MARCHF1: variants seen among roughly 807,000 people sequenced by gnomAD.
MARCHF1 encodes E3 ubiquitin-protein ligase MARCHF1.
Under a neutral mutation model 54.2 loss-of-function variants are expected in MARCHF1, and 40 were observed. The ratio of observed to expected loss-of-function variants is 0.74; its 90% CI spans 0.57 to 0.96. MARCHF1 has a LOEUF of 0.96. Ranked by LOEUF, MARCHF1 falls within the 40% of genes least tolerant of loss-of-function variation. The pLI, the probability that MARCHF1 is intolerant of heterozygous loss-of-function variation, is 0.00. For missense variants in MARCHF1, 586 were observed against 656.5 expected, an observed-to-expected ratio of 0.89 and a Z score of 1.17; for synonymous variants, 236 against 236.3, an observed-to-expected ratio of 1.00 and a Z score of 0.01.
chr4:164,112,503 A>T (rs1014841234), intron 1 of MARCHF1, among the ~76,000 whole-genome samples: 1 of 151,914 alleles, frequency 6.6e-6, no homozygotes, highest in Admixed American at 6.6e-5. Flanking sequence ...ATTTTTTCAA[A>T]GAATGTATAC....
At chr4:164,108,399 A>G (rs1185570516) in intron 2 of MARCHF1, among the ~76,000 whole-genome samples, 3 of 152,086 alleles carry the variant, frequency 2.0e-5, no homozygotes, top group African/African-American at 7.2e-5. Flanking sequence ...ATGACTGCAG[A>G]ATTCATTCAT....
chr4:163,536,877 T>A (rs1738554628), intron 9 of MARCHF1, among the ~76,000 whole-genome samples: 1 of 152,118 alleles, frequency 6.6e-6, no homozygotes, highest in Non-Finnish European at 1.5e-5. Context: ...TTCAATATGT[T>A]CCTGGGAAGT....
At position 163,794,635 on chromosome 4, in the gene MARCHF1, C is replaced by T. The variant is rs367790058; in HGVS notation, c.111+59386G>A. On this transcript the variant is annotated intron_variant, in intron 4 of 9. Transcript: ENST00000514618. ...CATTTCTGCCTATTTCCTATATTTT[C>T]CAAATTTTCTGCATTAACCATGTAT... 1.6e-4 allele frequency among the ~76,000 whole-genome samples: 25 copies of T among 152,194 alleles called. No homozygotes were observed. The East Asian group carries it at 2.3e-3, about 14-fold the overall frequency.
chr4:164,041,729 C>A (rs760139062), intron 2 of MARCHF1, among the ~76,000 whole-genome samples: 12 of 152,156 alleles, frequency 7.9e-5, no homozygotes, highest in Non-Finnish European at 1.6e-4. Flanking sequence ...TATGACCAAT[C>A]AGAAACTCTG....
chr4:163,700,060 A>T (rs1744758639), intron 5 of MARCHF1, among the ~76,000 whole-genome samples: 1 of 152,104 alleles, frequency 6.6e-6, no homozygotes, highest in Non-Finnish European at 1.5e-5. Context: ...GGTGACAAAA[A>T]TAGTTAAATT....
chr4:164,126,812 T>C (rs1191671501), intron 1 of MARCHF1, among the ~76,000 whole-genome samples: 1 of 152,060 alleles, frequency 6.6e-6, no homozygotes, highest in Non-Finnish European at 1.5e-5. Flanking sequence ...ATCCCAACAT[T>C]TGGGAGGCCG....
chr4:164,342,431 C>T (rs1228154623), intron 1 of MARCHF1, among the ~76,000 whole-genome samples: 2 of 151,954 alleles, frequency 1.3e-5, no homozygotes, highest in Non-Finnish European at 2.9e-5. Flanking sequence ...AATAAAACTA[C>T]ACCCATTAAC....
chr4:163,688,688 A>G (rs1744347285), intron 5 of MARCHF1, among the ~76,000 whole-genome samples: 1 of 152,108 alleles, frequency 6.6e-6, no homozygotes, highest in African/African-American at 2.4e-5. Context: ...TTTTTAATTA[A>G]GAAAATCCAG....
intron 1 of MARCHF1, among the ~76,000 whole-genome samples, chr4:164,147,882 CAT>C (rs1729806558): frequency 6.7e-6 from 1 of 150,364 alleles, no homozygotes; most frequent in Non-Finnish European, 1.5e-5. Flanking sequence ...AAAAAAATTA[CAT>C]ATGTTATTCA....
intron 1 of MARCHF1, among the ~76,000 whole-genome samples, chr4:164,349,950 A>G (rs959790974): frequency 3.3e-5 from 5 of 152,194 alleles, no homozygotes; most frequent in African/African-American, 1.2e-4. Flanking sequence ...TTTCAACTCT[A>G]TCACTTATGA....
Position 164,356,778 on chromosome 4 carries a change from AG to A in MARCHF1, c.-323+27091del, listed in dbSNP as rs997555857. On this transcript the variant is annotated intron_variant, in intron 1 of 9. Transcript: ENST00000514618. ...TAAAGTATAATAAAAAAAAAAGAAA[AG>A]CAAAAAAAAAAAAAATAGTATTGTT... Among the ~76,000 whole-genome samples the A allele has an allele frequency of 5.2e-5, 7 of 135,288 alleles. No homozygotes were observed. The South Asian group carries it at 1.1e-3, about 21-fold the overall frequency. 88.8% of individuals were successfully genotyped at this position (135,288 alleles called of 152,430 possible).
In MARCHF1 at chr4:163,997,088, G is replaced by C. The variant is rs186507100; in HGVS notation, c.-247-8379C>G. 1.9e-4 allele frequency among the ~76,000 whole-genome samples: 29 copies of C among 152,064 alleles called. No homozygotes were observed. The East Asian group carries it at 4.5e-3, about 23-fold the overall frequency. ...GCATAACACTCAGATGATAGCAATG[G>C]GCATCAAATCCAAGAGAAACAGCCA... On this transcript the variant is annotated intron_variant, in intron 2 of 9. Transcript: ENST00000514618.
intron 4 of MARCHF1, among the ~76,000 whole-genome samples, chr4:163,767,098 TAAA>T (rs530799338): frequency 0.014 from 1,511 of 106,636 alleles, 20 homozygotes; most frequent in Middle Eastern, 0.03. Flanking sequence ...TACGGCGATG[TAAA>T]AAAAAAAAAA....
rs1178381334 is a variant in MARCHF1 at position 163,550,620 on chromosome 4, G to A, written c.1192-4877C>T. On this transcript the variant is annotated intron_variant, in intron 8 of 9. Transcript: ENST00000514618. Reference sequence around the variant, plus strand: ...AAAGCCACATTTTAATTGTTTACTGGCTCTGCCTGTCATATTGGATTTTGC... The same window carrying A: ...AAAGCCACATTTTAATTGTTTACTGACTCTGCCTGTCATATTGGATTTTGC... Among the ~76,000 whole-genome samples the A allele has an allele frequency of 2.0e-5, 3 of 151,898 alleles. No homozygotes were observed. The East Asian group carries it at 5.8e-4, about 29-fold the overall frequency.
chr4:163,893,958 G>A (rs2111279495), intron 3 of MARCHF1, among the ~76,000 whole-genome samples: 1 of 152,246 alleles, frequency 6.6e-6, no homozygotes, highest in African/African-American at 2.4e-5. Context: ...TTGATCACTG[G>A]TGAAATAGCA....
Position 164,344,197 on chromosome 4 carries a change from G to A in MARCHF1, c.-323+39673C>T, listed in dbSNP as rs146893529. 1.8e-3 allele frequency among the ~76,000 whole-genome samples: 276 copies of A among 152,130 alleles called. 2 individuals carry two copies. The highest frequency in any genetic ancestry group is 6.4e-3 in the African/African-American group (264 of 41,514). ...CTAAGTACATATGCACACAAAGAAG[G>A]GAACAGCAGACACCAGGACCTACTT... On this transcript the variant is annotated intron_variant, in intron 1 of 9. Transcript: ENST00000514618.
rs370262772 is a variant in MARCHF1 at position 164,351,091 on chromosome 4, T to G, written c.-323+32779A>C. On this transcript the variant is annotated intron_variant, in intron 1 of 9. Coordinates refer to ENST00000514618, the MANE Select transcript of MARCHF1 (RefSeq NM_001394959.1). ...ACGGCGCACCACAAGATTATATCCC[T>G]CACCTGGCTCGGAGGGTCCTACCCC... Among the ~76,000 whole-genome samples, 24 of 152,272 alleles carry G rather than the reference T, an allele frequency of 1.6e-4. No homozygotes were observed. The East Asian group carries it at 1.8e-3, about 11-fold the overall frequency.
intron 4 of MARCHF1, among the ~76,000 whole-genome samples, chr4:163,803,441 G>A (rs1445446628): frequency 6.6e-6 from 1 of 152,198 alleles, no homozygotes; most frequent in African/African-American, 2.4e-5. Flanking sequence ...CCAAAGTCCT[G>A]AGATTATAGG....
chr4:164,239,498 G>A (rs1378461990), intron 1 of MARCHF1, among the ~76,000 whole-genome samples: 1 of 151,974 alleles, frequency 6.6e-6, no homozygotes, highest in African/African-American at 2.4e-5. Context: ...TAATCATGTG[G>A]TTTGACATGA....
Sources: allele counts gnomAD v4.1 joint callset (sites outside exome capture counted in the v4.1 genomes callset), GRCh38; gene constraint gnomAD v4.1.1; transcripts MANE v1.5; gene names NCBI Gene and HGNC (gene_info 2026-07-23, HGNC 2026-07-21).